Variants in TNR observed in about 807,000 individuals in gnomAD.
TNR encodes the protein tenascin-R.
In TNR, 45 loss-of-function variants were observed where a neutral mutation model predicts 150.4. The ratio of observed to expected loss-of-function variants is 0.30; its 90% confidence interval spans 0.24 to 0.38. The LOEUF (loss-of-function observed/expected upper bound fraction) is 0.38, where lower values mean the gene tolerates loss of function less well. Ranked by LOEUF, TNR falls within the 10% of genes least tolerant of loss-of-function variation. The probability of loss-of-function intolerance (pLI) is 1.00; values close to 1 mark genes in which losing one functional copy is unlikely to be tolerated. For synonymous variants in TNR, 687 were observed against 678.4 expected (o/e 1.01, Z -0.20); for missense variants, 1,544 against 1,759.1 (o/e 0.88, Z 2.19).
At chr1:175,589,816 G>C (rs1390636474) in intron 1 of TNR, among the ~76,000 whole-genome samples, 1 of 152,050 alleles carries the variant, frequency 6.6e-6, no homozygotes, top group Non-Finnish European at 1.5e-5. Flanking sequence ...ATGGACACAG[G>C]AAAGGGAACA....
chr1:175,736,081 C>T (rs534941707), intron 1 of TNR, among the ~76,000 whole-genome samples: 2 of 152,310 alleles, frequency 1.3e-5, no homozygotes, highest in South Asian at 4.1e-4. Flanking sequence ...CTTGTTGAAA[C>T]ACCAAGTACC....
At chr1:175,379,763 A>G in intron 8 of TNR, 26 bp from the exon 9 acceptor site, 2 of 1,611,128 alleles carry the variant, frequency 1.2e-6, no homozygotes, top group Non-Finnish European at 1.7e-6. Context: ...CATCACCAAC[A>G]TCGCACATGA....
intron 2 of TNR, among the ~76,000 whole-genome samples, chr1:175,453,880 T>C (rs1656437470): frequency 6.6e-6 from 1 of 152,182 alleles, no homozygotes; most frequent in African/African-American, 2.4e-5. Flanking sequence ...GCTGTTTTTA[T>C]TTTTTTAAAT....
intron 1 of TNR, among the ~76,000 whole-genome samples, chr1:175,686,984 C>A (rs372528513): frequency 3.3e-5 from 5 of 152,140 alleles, no homozygotes; most frequent in African/African-American, 1.2e-4. Flanking sequence ...AAAATGATTT[C>A]TTTTCCTCTG....
At chr1:175,524,080 C>G (rs1357834500) in intron 2 of TNR, among the ~76,000 whole-genome samples, 2 of 152,104 alleles carry the variant, frequency 1.3e-5, no homozygotes, top group Non-Finnish European at 2.9e-5. Context: ...CCCCCTCCCC[C>G]AAGACAGGGC....
intron 2 of TNR, among the ~76,000 whole-genome samples, chr1:175,429,427 T>C (rs1228948732): frequency 2.6e-5 from 4 of 152,212 alleles, no homozygotes; most frequent in Non-Finnish European, 5.9e-5. Context: ...CTCCAATAGT[T>C]GCTCTCTTGT....
At chr1:175,374,447 T>A (rs997227596) in intron 9 of TNR, among the ~76,000 whole-genome samples, 1 of 152,098 alleles carries the variant, frequency 6.6e-6, no homozygotes, top group Non-Finnish European at 1.5e-5. Flanking sequence ...TGTATGACTA[T>A]GAGTGTGTGC....
At chr1:175,384,609 T>C (rs1370313054) in intron 8 of TNR, among the ~76,000 whole-genome samples, 2 of 152,260 alleles carry the variant, frequency 1.3e-5, no homozygotes, top group Non-Finnish European at 2.9e-5. Context: ...TCTCTTTTGC[T>C]GGAGAAAATG....
intron 1 of TNR, among the ~76,000 whole-genome samples, chr1:175,701,323 T>C (rs1346398666): frequency 6.6e-6 from 1 of 152,144 alleles, no homozygotes; most frequent in East Asian, 1.9e-4. Flanking sequence ...CACCCACCAC[T>C]TCTTCTCATG....
chr1:175,525,425 CT>C (rs1376646151), intron 2 of TNR, among the ~76,000 whole-genome samples: 1 of 152,190 alleles, frequency 6.6e-6, no homozygotes, highest in Non-Finnish European at 1.5e-5. Flanking sequence ...TGGAGTTGTA[CT>C]TTGTTCAGCC....
At chr1:175,332,464 A>G (rs928411646) in intron 20 of TNR, among the ~76,000 whole-genome samples, 1 of 152,174 alleles carries the variant, frequency 6.6e-6, no homozygotes, top group Non-Finnish European at 1.5e-5. Flanking sequence ...AGAACCCCAT[A>G]TAGTACATAA....
At chr1:175,466,443 G>A (rs1193381969) in intron 2 of TNR, among the ~76,000 whole-genome samples, 2 of 152,184 alleles carry the variant, frequency 1.3e-5, no homozygotes, top group Admixed American at 6.5e-5. Context: ...AACCTGCAGT[G>A]CTTCCGTCTT....
At chr1:175,623,741 G>A (rs1664054621) in intron 1 of TNR, among the ~76,000 whole-genome samples, 2 of 152,236 alleles carry the variant, frequency 1.3e-5, no homozygotes, top group Admixed American at 6.5e-5. Context: ...ATTAGAGTGA[G>A]CTAATTTACC....
intron 15 of TNR, among the ~76,000 whole-genome samples, chr1:175,359,139 C>CTTTTATTTTTTTTTTTTTTTTTTTTT (rs1651468170): frequency 2.4e-5 from 1 of 42,138 alleles, no homozygotes; most frequent in Non-Finnish European, 4.3e-5. Context: ...GGGATATCTT[C>CTTTTATTTTTTTTTTTTTTTTTTTTT]TTTTTTTTTT....
At chr1:175,532,318 T>C (rs941929434) in intron 1 of TNR, among the ~76,000 whole-genome samples, 1 of 152,200 alleles carries the variant, frequency 6.6e-6, no homozygotes, top group African/African-American at 2.4e-5. Context: ...AACCTTCAAG[T>C]TGTTCTTAGT....
At position 175,317,453 on chromosome 1, in the gene TNR, A is replaced by G. The variant is rs889054712; in HGVS notation, c.*5904T>C. ...GTTGAGCATATTAGTGCTCCATGTC[A>G]GAATATTAAAGAGCAACACAGGGTC... On this transcript the variant is annotated 3_prime_UTR_variant, in exon 23 of 23. Coordinates refer to ENST00000367674, the MANE Select transcript of TNR (RefSeq NM_003285.3). The G allele has an allele frequency of 6.6e-6, 1 of 152,220 alleles. No homozygotes were observed. The highest frequency in any genetic ancestry group is 6.5e-5 in the Admixed American group (1 of 15,284). 9.4% of individuals were successfully genotyped at this position (152,220 alleles called of 1,614,324 possible).
At chr1:175,504,301 A>G (rs1194392471) in intron 2 of TNR, among the ~76,000 whole-genome samples, 3 of 152,060 alleles carry the variant, frequency 2.0e-5, no homozygotes, top group Non-Finnish European at 4.4e-5. Flanking sequence ...TGTATCCCTT[A>G]CAATACTGCA....
intron 1 of TNR, among the ~76,000 whole-genome samples, chr1:175,566,514 T>G (rs889487527): frequency 2.4e-4 from 37 of 152,224 alleles, no homozygotes; most frequent in African/African-American, 8.7e-4. Flanking sequence ...CTTGGAGCTA[T>G]AGGGCCCCCA....
chr1:175,367,504 T>G (rs1310265304), intron 9 of TNR, among the ~76,000 whole-genome samples: 1 of 152,194 alleles, frequency 6.6e-6, no homozygotes, highest in Admixed American at 6.5e-5. Context: ...ACGCAGAGCT[T>G]CCTTCTTGCA....
Sources: gnomAD v4.1 joint callset for allele counts (sites outside exome capture counted in the v4.1 genomes callset) on GRCh38, gnomAD v4.1.1 for gene constraint, MANE v1.5 for transcripts, NCBI Gene and HGNC (gene_info 2026-07-23, HGNC 2026-07-21) for gene names.